The following EYS variants were observed in gnomAD, a reference collection of about 807,000 sequenced individuals.
The protein encoded by EYS is EGF-like photoreceptor maintenance factor, also known as protein eyes shut homolog.
EYS carries 250 observed loss-of-function variants against 282.1 expected under a neutral mutation model. The observed-to-expected ratio is 0.89, with a 90% CI of 0.80 to 0.98. EYS has a LOEUF of 0.98. EYS is among the 50% of genes least tolerant of loss of function. The probability of loss-of-function intolerance (pLI) is 0.00; values close to 1 mark genes in which losing one functional copy is unlikely to be tolerated. For synonymous variants in EYS, 1,355 were observed against 1,282.9 expected, an observed-to-expected ratio of 1.06 and a Z score of -1.20; for missense variants, 4,016 against 3,709.0, an observed-to-expected ratio of 1.08 and a Z score of -2.15.
At chr6:65,460,398 G>T (rs964979473) in intron 5 of EYS, among the ~76,000 whole-genome samples, 1 of 151,808 alleles carries the variant, frequency 6.6e-6, no homozygotes, top group African/African-American at 2.4e-5. Context: ...AAGTCCCCTT[G>T]TTCTCCCATC....
chr6:65,526,995 G>A (rs1370020485), intron 2 of EYS, among the ~76,000 whole-genome samples: 1 of 152,082 alleles, frequency 6.6e-6, no homozygotes, highest in African/African-American at 2.4e-5. Flanking sequence ...GTAGCCCAAA[G>A]GGATGAGTCC....
chr6:64,756,645 T>G (rs1772945767), intron 22 of EYS, among the ~76,000 whole-genome samples: 1 of 152,184 alleles, frequency 6.6e-6, no homozygotes, highest in African/African-American at 2.4e-5. Context: ...AAACAGAACC[T>G]TATTAAAATT....
intron 41 of EYS, among the ~76,000 whole-genome samples, chr6:63,737,823 C>T (rs1353248814): frequency 1.6e-4 from 24 of 152,122 alleles, no homozygotes; most frequent in African/African-American, 4.6e-4. Flanking sequence ...AGAAAATTTT[C>T]GCAACCTACT....
intron 7 of EYS, among the ~76,000 whole-genome samples, chr6:65,399,158 C>A (rs776707418): frequency 6.0e-4 from 92 of 152,132 alleles, no homozygotes; most frequent in Non-Finnish European, 1.1e-3. Flanking sequence ...AAAATTGAGT[C>A]AGAGTGATCA....
chr6:64,801,592 C>T (rs995208036), intron 22 of EYS, among the ~76,000 whole-genome samples: 14 of 152,050 alleles, frequency 9.2e-5, no homozygotes, highest in Admixed American at 7.2e-4. Flanking sequence ...ATGAATTGAA[C>T]ATTCTATAGC....
At chr6:65,279,552 T>C (rs1768159502) in intron 12 of EYS, among the ~76,000 whole-genome samples, 1 of 152,200 alleles carries the variant, frequency 6.6e-6, no homozygotes, top group Admixed American at 6.5e-5. Context: ...CATCTGTGTT[T>C]TCTTCTTTTT....
intron 30 of EYS, among the ~76,000 whole-genome samples, chr6:64,297,977 C>CA (rs34562408): frequency 0.037 from 3,542 of 96,316 alleles, 112 homozygotes; most frequent in East Asian, 0.1. Context: ...GATTCTGTCT[C>CA]AAAAAAAAAA....
At chr6:65,098,407 T>C (rs1774799991) in intron 12 of EYS, among the ~76,000 whole-genome samples, 1 of 150,726 alleles carries the variant, frequency 6.6e-6, no homozygotes, top group Non-Finnish European at 1.5e-5. Context: ...AAAGAATGAC[T>C]TATAAAAGAA....
chr6:64,766,684 A>AT (rs1562180064), intron 22 of EYS, among the ~76,000 whole-genome samples: 64 of 110,860 alleles, frequency 5.8e-4, no homozygotes, highest in African/African-American at 1.0e-3. Flanking sequence ...ATATATATAT[A>AT]AAATCTAACA....
chr6:64,202,495 T>C (rs1765488953), intron 31 of EYS, among the ~76,000 whole-genome samples: 1 of 152,204 alleles, frequency 6.6e-6, no homozygotes, highest in Admixed American at 6.5e-5. Context: ...AAATAAGTTA[T>C]GTGCTAGCTG....
intron 14 of EYS, among the ~76,000 whole-genome samples, chr6:64,960,526 A>G (rs1378333400): frequency 6.6e-6 from 1 of 152,082 alleles, no homozygotes; most frequent in African/African-American, 2.4e-5. Flanking sequence ...TTCATTTTCT[A>G]CTTTTAGAAG....
chr6:65,309,266 G>A (rs943817535), intron 11 of EYS, among the ~76,000 whole-genome samples: 8 of 152,052 alleles, frequency 5.3e-5, no homozygotes, highest in African/African-American at 1.9e-4. Context: ...ACATATGTTC[G>A]TAATTGCACC....
chr6:65,696,586 A>C (rs1372885901), intron 1 of EYS, among the ~76,000 whole-genome samples: 1 of 151,986 alleles, frequency 6.6e-6, no homozygotes, highest in East Asian at 1.9e-4. Context: ...TTAATGGAAA[A>C]TATAGGGGAA....
chr6:65,029,453 C>T (rs926485744), intron 13 of EYS, among the ~76,000 whole-genome samples: 1 of 151,966 alleles, frequency 6.6e-6, no homozygotes, highest in Non-Finnish European at 1.5e-5. Flanking sequence ...TACTGATAAA[C>T]CATTGACCCT....
intron 12 of EYS, among the ~76,000 whole-genome samples, chr6:65,186,943 C>T (rs80257832): frequency 0.035 from 5,260 of 151,700 alleles, 124 homozygotes; most frequent in African/African-American, 0.067. Context: ...TTTTATATTT[C>T]CTCAATGAGA....
chr6:64,114,207 A>C (rs929821322), intron 31 of EYS, among the ~76,000 whole-genome samples: 1 of 152,198 alleles, frequency 6.6e-6, no homozygotes, highest in Non-Finnish European at 1.5e-5. Flanking sequence ...AATTTACTAA[A>C]GAAGTTATAA....
intron 2 of EYS, among the ~76,000 whole-genome samples, chr6:65,508,500 C>G (rs191380725): frequency 1.3e-3 from 191 of 151,744 alleles, no homozygotes; most frequent in Non-Finnish European, 2.2e-3. Context: ...GGTGAAACCC[C>G]ATCTCTACTA....
intron 24 of EYS, among the ~76,000 whole-genome samples, chr6:64,612,943 A>G (rs1401740793): frequency 6.6e-6 from 1 of 152,116 alleles, no homozygotes; most frequent in Non-Finnish European, 1.5e-5. Context: ...GTTCAGGTGA[A>G]CATAAAAGGA....
At chr6:64,055,502 G>C (rs944728964) in intron 33 of EYS, among the ~76,000 whole-genome samples, 2 of 152,030 alleles carry the variant, frequency 1.3e-5, no homozygotes, top group Non-Finnish European at 2.9e-5. Flanking sequence ...TTCCCCACTC[G>C]CAGGATTCTG....
Sources: allele counts gnomAD v4.1 joint callset (sites outside exome capture counted in the v4.1 genomes callset), GRCh38; gene constraint gnomAD v4.1.1; transcripts MANE v1.5; gene names NCBI Gene and HGNC (gene_info 2026-07-23, HGNC 2026-07-21).